The following DOCK11 variants were observed in gnomAD, a reference collection of about 807,000 sequenced individuals.
The protein encoded by DOCK11 is dedicator of cytokinesis protein 11.
A neutral mutation model predicts 169.1 loss-of-function variants in DOCK11; 70 were observed. That is an observed-to-expected ratio of 0.41 (90% CI 0.34 to 0.51). The LOEUF is 0.51. Among genes scored for constraint, DOCK11 ranks in the 20% least tolerant of loss-of-function variants. The pLI, the probability that DOCK11 is intolerant of heterozygous loss-of-function variation, is 0.10. For missense variants in DOCK11, 1,166 were observed against 1,538.8 expected, an observed-to-expected ratio of 0.76 and a Z score of 4.05; for synonymous variants, 529 against 541.3, an observed-to-expected ratio of 0.98 and a Z score of 0.32.
chrX:118,637,739 G>A (rs1371345973), intron 36 of DOCK11, among the ~76,000 whole-genome samples: 1 of 111,583 alleles, frequency 9.0e-6, no homozygotes, highest in African/African-American at 3.3e-5. Context: ...TTCCAGCATG[G>A]GTGACAGAGC....
rs183763026 is a variant in DOCK11 at position 118,581,027 on chromosome X, A to G, written c.1595+848A>G. Among the ~76,000 whole-genome samples, 343 of 112,033 alleles carry G rather than the reference A, an allele frequency of 3.1e-3. 4 individuals carry two copies. The highest frequency in any genetic ancestry group is 9.1e-3 in the Middle Eastern group (2 of 219). On this transcript the variant is annotated intron_variant, in intron 14 of 52. Coordinates refer to ENST00000276202, the MANE Select transcript of DOCK11 (RefSeq NM_144658.4). ...ATGGTAGGTTACATTATTTTATCCA[A>G]ATTTTGTAAATCCATGCAGGGATGA...
At chrX:118,631,891 A>T (rs995909194) in intron 35 of DOCK11, among the ~76,000 whole-genome samples, 2 of 110,721 alleles carry the variant, frequency 1.8e-5, no homozygotes, top group African/African-American at 6.6e-5. Flanking sequence ...ACACATATAC[A>T]TCACATTCTA....
Position 118,558,987 on chromosome X carries a change from A to G in DOCK11, c.559-2396A>G, listed in dbSNP as rs552795562. 8.0e-5 allele frequency among the ~76,000 whole-genome samples: 9 copies of G among 112,387 alleles called. No homozygotes were observed. The South Asian group carries it at 2.6e-3, about 32-fold the overall frequency. Reference sequence around the variant, plus strand: ...GAGATACTGGCTGAGAATCAGTATCATAAGACTTTCAGGCAACTGCTCTTT... The same window carrying G: ...GAGATACTGGCTGAGAATCAGTATCGTAAGACTTTCAGGCAACTGCTCTTT... On this transcript the variant is annotated intron_variant, in intron 6 of 52. Transcript: ENST00000276202.
At chrX:118,529,840 T>A (rs986936806) in intron 1 of DOCK11, among the ~76,000 whole-genome samples, 1 of 110,789 alleles carries the variant, frequency 9.0e-6, no homozygotes, top group African/African-American at 3.3e-5. Flanking sequence ...GAGGTCAGGA[T>A]CATCAAATAT....
At position 118,682,817 on chromosome X, in the gene DOCK11, G is replaced by C. The variant is rs182419276; in HGVS notation, c.5964-262G>C. 2.7e-4 allele frequency among the ~76,000 whole-genome samples: 30 copies of C among 112,042 alleles called. 1 individual carries two copies. Among genetic ancestry groups the C allele is most frequent in the African/African-American group, 9.7e-4 (30 of 30,871 alleles). Reference sequence around the variant, plus strand: ...GATAGAATGCCAAGGAAATGATTGAGCAAGTAGGCTTTCCAGAGGGTATGT... The same window carrying C: ...GATAGAATGCCAAGGAAATGATTGACCAAGTAGGCTTTCCAGAGGGTATGT... On this transcript the variant is annotated intron_variant, in intron 51 of 52. Transcript: ENST00000276202.
rs752625454 is a variant in DOCK11 at position 118,575,607 on chromosome X, C to A, written c.1389+1589C>A. On this transcript the variant is annotated intron_variant, in intron 12 of 52. Transcript: ENST00000276202. ...GGCTGTGGATTTCTGGTGGCTTGTC[C>A]TCAAGTTGTCCCTTATCCCCTGATA... 2.7e-5 allele frequency among the ~76,000 whole-genome samples: 3 copies of A among 111,923 alleles called. No individual in the cohort carries two copies. In the South Asian group the frequency reaches 1.1e-3, roughly 42 times the overall value.
intron 31 of DOCK11, among the ~76,000 whole-genome samples, chrX:118,624,063 G>A (rs1043873852): frequency 8.9e-6 from 1 of 112,564 alleles, no homozygotes; most frequent in African/African-American, 3.2e-5. Flanking sequence ...AGCAAAAAAT[G>A]TTTCCTGAAT....
chrX:118,672,547 T>C lies in DOCK11; in HGVS notation c.5199+1402T>C, dbSNP rs754854929. Among the ~76,000 whole-genome samples, 483 of 112,881 alleles carry C rather than the reference T, an allele frequency of 4.3e-3. 1 individual carries two copies. Among genetic ancestry groups the C allele is most frequent in the Non-Finnish European group, 6.0e-3 (322 of 53,256 alleles). ...TCCCGGGTTCACGCCATTCTCCTGC[T>C]TCAGCCTCCTGAGTAGCTGGGATTA... is the stretch of plus-strand genomic sequence containing the variant. On this transcript the variant is annotated intron_variant, in intron 46 of 52. Coordinates refer to ENST00000276202, the MANE Select transcript of DOCK11 (RefSeq NM_144658.4).
At chrX:118,586,575 G>A (rs1486303162) in intron 16 of DOCK11, among the ~76,000 whole-genome samples, 2 of 111,533 alleles carry the variant, frequency 1.8e-5, no homozygotes, top group Admixed American at 9.6e-5. Context: ...TTTGGGTGGA[G>A]ACACAAAGCC....
chrX:118,670,939 A>G (rs1371547609), intron 45 of DOCK11, 84 bp from the exon 46 acceptor site: 7 of 979,758 alleles, frequency 7.1e-6, no homozygotes, highest in South Asian at 6.5e-5. Context: ...TTTGTTTTCT[A>G]CCAACTTGAA....
intron 40 of DOCK11, 29 bp from the exon 41 acceptor site, chrX:118,648,916 T>C (rs772249954): frequency 2.6e-6 from 3 of 1,134,772 alleles, no homozygotes; most frequent in African/African-American, 3.6e-5. Flanking sequence ...GGATTTTAAA[T>C]ACTTATTTCT....
In DOCK11 at chrX:118,647,537, T is replaced by C. The variant is rs1321918969; in HGVS notation, c.4399-1408T>C. On this transcript the variant is annotated intron_variant, in intron 40 of 52. Transcript: ENST00000276202. ...TAATATAATATATAATATAATATTA[T>C]ATATTATATATGTTATTATATATTA... is the stretch of plus-strand genomic sequence containing the variant. Among the ~76,000 whole-genome samples the C allele has an allele frequency of 4.0e-5, 3 of 74,094 alleles. No individual in the cohort carries two copies. In the Admixed American group the frequency reaches 6.2e-4, roughly 15 times the overall value. The allele number at this position is 74,094 out of a possible 115,157, so 64.3% of individuals were successfully genotyped here. A position where few individuals can be genotyped will look rare whatever the true frequency, so the allele number is the denominator to read the frequency against.
chrX:118,533,718 G>C (rs1434732446), intron 1 of DOCK11, among the ~76,000 whole-genome samples: 3 of 112,458 alleles, frequency 2.7e-5, no homozygotes, highest in Admixed American at 1.9e-4. Context: ...GCACTTTACA[G>C]TTTTTTCTGC....
At chrX:118,645,918 T>C (rs12850887) in intron 40 of DOCK11, among the ~76,000 whole-genome samples, 14,563 of 100,958 alleles carry the variant, frequency 0.14, 826 homozygotes, top group Middle Eastern at 0.24. Context: ...TAGCTGGGCA[T>C]GGTGGCAGGT....
rs1569412762 is a variant in DOCK11, at chrX:118,546,026, A to G, written c.468A>G (p.Ser156=). ...TAATTTTTGTTCTATTTCAGGACTCATCTTCTTTATGTTCTCAGAAGGGTG... is the reference window on the plus strand; with the variant it reads ...TAATTTTTGTTCTATTTCAGGACTCGTCTTCTTTATGTTCTCAGAAGGGTG... ...IDEDCEKDED[S]SSLCSQKGGV... is the part of the protein sequence containing the mutation. The change falls in exon 6 of 53, where the codon TCA becomes TCG. Residue 156 remains serine, a synonymous_variant. Coordinates refer to ENST00000276202, the MANE Select transcript of DOCK11 (RefSeq NM_144658.4). 3.4e-5 allele frequency: 41 copies of G among 1,198,545 alleles called. No homozygotes were observed. Among genetic ancestry groups the G allele is most frequent in the Non-Finnish European group, 4.4e-5 (39 of 887,879 alleles).
intron 46 of DOCK11, among the ~76,000 whole-genome samples, chrX:118,671,411 G>A (rs1023655899): frequency 1.5e-4 from 17 of 111,213 alleles, no homozygotes; most frequent in African/African-American, 5.6e-4. Context: ...AAATGTTTGA[G>A]ATGATACATT....
chrX:118,670,222 A>G (rs981885373), intron 45 of DOCK11, among the ~76,000 whole-genome samples: 1 of 111,603 alleles, frequency 9.0e-6, no homozygotes, highest in African/African-American at 3.3e-5. Context: ...GATGAATTCG[A>G]TTTTCTAAAG....
chrX:118,647,738 A>ATATGATATATAATAATATATAATATAT (rs1569440566), intron 40 of DOCK11, among the ~76,000 whole-genome samples: 2 of 49,421 alleles, frequency 4.0e-5, no homozygotes, highest in Non-Finnish European at 6.4e-5. Flanking sequence ...ATATAATATA[A>ATATGATATATAATAATATATAATATAT]TATAATATAT....
chrX:118,651,369 G>A (rs2015941882), intron 41 of DOCK11, among the ~76,000 whole-genome samples: 2 of 111,574 alleles, frequency 1.8e-5, no homozygotes, highest in East Asian at 5.6e-4. Context: ...GGGAGGTTGA[G>A]GCTGCAGTGA....
Sources: gnomAD v4.1 joint callset for allele counts (sites outside exome capture counted in the v4.1 genomes callset) on GRCh38, gnomAD v4.1.1 for gene constraint, MANE v1.5 for transcripts, NCBI Gene and HGNC (gene_info 2026-07-23, HGNC 2026-07-21) for gene names.